Variants in EPN2 observed in about 807,000 individuals in gnomAD.
EPN2 encodes the protein epsin-2.
EPN2 carries 34 observed loss-of-function variants against 61.7 expected under a neutral mutation model. The ratio of observed to expected loss-of-function variants is 0.55; its 90% CI spans 0.42 to 0.73. The LOEUF (loss-of-function observed/expected upper bound fraction) is 0.73. Ranked by LOEUF, EPN2 falls within the 30% of genes least tolerant of loss-of-function variation. The pLI is 0.00. For missense variants in EPN2, 714 were observed against 839.2 expected, an observed-to-expected ratio of 0.85 and a Z score of 1.84; for synonymous variants, 349 against 353.6, an observed-to-expected ratio of 0.99 and a Z score of 0.15.
chr17:19,268,186 G>T (rs1188013245), intron 1 of EPN2, among the ~76,000 whole-genome samples: 1 of 152,158 alleles, frequency 6.6e-6, no homozygotes, highest in Non-Finnish European at 1.5e-5. Flanking sequence ...TCTTGTCCTT[G>T]TCTTCTCAGG....
intron 1 of EPN2, among the ~76,000 whole-genome samples, chr17:19,250,183 C>T (rs1179627616): frequency 6.6e-6 from 1 of 152,050 alleles, no homozygotes; most frequent in Admixed American, 6.6e-5. Context: ...CAACCTCCGC[C>T]TCCCTGGTTC....
intron 1 of EPN2, among the ~76,000 whole-genome samples, chr17:19,274,719 C>T (rs767836361): frequency 6.6e-6 from 1 of 152,202 alleles, no homozygotes; most frequent in Non-Finnish European, 1.5e-5. Context: ...GGCCCACCTG[C>T]ACTGCTTGGA....
chr17:19,264,302 C>T (rs892157721), intron 1 of EPN2, among the ~76,000 whole-genome samples: 4 of 152,086 alleles, frequency 2.6e-5, no homozygotes, highest in Admixed American at 2.6e-4. Context: ...AAATTTAGTG[C>T]GAAGTAAACT....
intron 1 of EPN2, among the ~76,000 whole-genome samples, chr17:19,278,669 G>A (rs890641418): frequency 1.3e-5 from 2 of 152,216 alleles, no homozygotes; most frequent in Admixed American, 6.5e-5. Context: ...TCTCTTTTGA[G>A]ACAGAGTCTT....
chr17:19,251,439 A>G (rs980448369), intron 1 of EPN2, among the ~76,000 whole-genome samples: 6 of 151,388 alleles, frequency 4.0e-5, no homozygotes, highest in Non-Finnish European at 8.8e-5. Context: ...GTTTGCAGAC[A>G]TCGCCTGGAC....
At chr17:19,332,936 C>T (rs954415823) in intron 10 of EPN2, among the ~76,000 whole-genome samples, 1 of 152,202 alleles carries the variant, frequency 6.6e-6, no homozygotes, top group Non-Finnish European at 1.5e-5. Context: ...CTTGGGCCAC[C>T]GTCCCTGACA....
Position 19,246,800 on chromosome 17 carries a change from G to A in EPN2, c.-294+9269G>A, listed in dbSNP as rs139721826. Among the ~76,000 whole-genome samples the A allele has an allele frequency of 8.1e-3, 942 of 116,344 alleles. 46 individuals carry two copies. The East Asian group carries it at 0.14, about 17-fold the overall frequency. The allele number at this position is 116,344 out of a possible 152,430, so 76.3% of individuals were successfully genotyped here. On this transcript the variant is annotated intron_variant, in intron 1 of 10. Transcript: ENST00000314728. ...TTTTTTTTTTTTGAAGCGGAGTCTC[G>A]CTCTGTCACCCAGGCTGGAGTGCAG...
intron 1 of EPN2, among the ~76,000 whole-genome samples, chr17:19,266,867 C>A (rs1408435849): frequency 1.3e-5 from 2 of 150,636 alleles, no homozygotes; most frequent in Admixed American, 1.3e-4. Context: ...AATACTGGTA[C>A]ATAATGCAAC....
rs774076746 is a variant in EPN2 at position 19,312,157 on chromosome 17, T to C, written c.972+13T>C. ...AAAAAAGAAAGAGGTAAGAGCTTGC[T>C]GGGAGGGTAGATGTTTCACCCTGTC... is the stretch of plus-strand genomic sequence containing the variant. On this transcript the variant is annotated intron_variant, in intron 6 of 10. Coordinates refer to ENST00000314728, the MANE Select transcript of EPN2 (RefSeq NM_014964.5). The C allele has an allele frequency of 2.2e-5, 35 of 1,595,902 alleles. No individual in the cohort carries two copies. The highest frequency in any genetic ancestry group is 1.1e-4 in the African/African-American group (8 of 74,580).
At chr17:19,311,879 T>A (rs897155624) in intron 5 of EPN2, among the ~76,000 whole-genome samples, 173 bp from the exon 6 acceptor site, 5 of 152,258 alleles carry the variant, frequency 3.3e-5, no homozygotes, top group African/African-American at 1.2e-4. Context: ...GGGAGGGGCC[T>A]TCTGGGTACA....
At chr17:19,314,500 G>A (rs1005568989) in intron 7 of EPN2, among the ~76,000 whole-genome samples, 1 of 152,176 alleles carries the variant, frequency 6.6e-6, no homozygotes, top group Non-Finnish European at 1.5e-5. Flanking sequence ...GGAAGCAGGG[G>A]AGAAGGGCCC....
intron 1 of EPN2, among the ~76,000 whole-genome samples, chr17:19,264,327 C>T (rs888513048): frequency 4.6e-5 from 7 of 152,168 alleles, no homozygotes; most frequent in African/African-American, 1.7e-4. Context: ...AATTCCCCTC[C>T]TGTTGGGATG....
At chr17:19,299,693 A>C (rs1905376140) in intron 4 of EPN2, among the ~76,000 whole-genome samples, 1 of 152,206 alleles carries the variant, frequency 6.6e-6, no homozygotes, top group South Asian at 2.1e-4. Flanking sequence ...TTTCTGACTG[A>C]GGATGGGATT....
At chr17:19,240,841 C>T (rs547589457) in intron 1 of EPN2, among the ~76,000 whole-genome samples, 3 of 152,244 alleles carry the variant, frequency 2.0e-5, no homozygotes, top group South Asian at 4.1e-4. Flanking sequence ...GTACCAGGCT[C>T]GGTCTCTGAT....
At chr17:19,265,107 C>T (rs765719634) in intron 1 of EPN2, among the ~76,000 whole-genome samples, 37 of 152,002 alleles carry the variant, frequency 2.4e-4, no homozygotes, top group Non-Finnish European at 5.1e-4. Context: ...CAAGAAGGTC[C>T]GGTGGCCAGG....
chr17:19,279,108 A>G (rs2045336278), intron 1 of EPN2, among the ~76,000 whole-genome samples: 1 of 152,202 alleles, frequency 6.6e-6, no homozygotes, highest in Admixed American at 6.5e-5. Flanking sequence ...TAAGTATTTC[A>G]GAGACCATCA....
intron 6 of EPN2, 118 bp from the exon 7 acceptor site, chr17:19,312,987 C>T (rs1325699911): frequency 1.6e-5 from 17 of 1,088,800 alleles, no homozygotes; most frequent in Non-Finnish European, 2.1e-5. Context: ...TTCTCAGCCC[C>T]TCCTAGAGGG....
chr17:19,291,730 G>A (rs2045467562), intron 4 of EPN2, among the ~76,000 whole-genome samples: 2 of 152,136 alleles, frequency 1.3e-5, no homozygotes, highest in South Asian at 4.1e-4. Flanking sequence ...GTGAGCCATC[G>A]CGCCCGGCCT....
chr17:19,322,740 TA>T (rs59626137), intron 7 of EPN2, among the ~76,000 whole-genome samples: 2,551 of 102,700 alleles, frequency 0.025, 59 homozygotes, highest in African/African-American at 0.07. Context: ...AACCTGTCTC[TA>T]AAAAAAAAAA....
Sources: gnomAD v4.1 joint callset for allele counts (sites outside exome capture counted in the v4.1 genomes callset) on GRCh38, gnomAD v4.1.1 for gene constraint, MANE v1.5 for transcripts, NCBI Gene and HGNC (gene_info 2026-07-23, HGNC 2026-07-21) for gene names.